ANO4: variants seen among roughly 807,000 people sequenced by gnomAD.
The protein encoded by ANO4 is anoctamin 4, also known as anoctamin-4.
ANO4 carries 69 observed loss-of-function variants against 141.9 expected under a neutral mutation model. The ratio of observed to expected loss-of-function variants is 0.49; its 90% CI spans 0.40 to 0.59. The LOEUF is 0.59. Ranked by LOEUF, ANO4 falls within the 20% of genes least tolerant of loss-of-function variation. ANO4 has a pLI of 0.00. For missense variants in ANO4, 894 were observed against 1,162.2 expected (o/e 0.77, Z 3.36); for synonymous variants, 350 against 394.3 (o/e 0.89, Z 1.33).
chr12:100,908,273 C>G (rs148185277), intron 2 of ANO4, among the ~76,000 whole-genome samples: 1,732 of 152,264 alleles, frequency 0.011, 40 homozygotes, highest in Admixed American at 0.035. Flanking sequence ...CACTTGAACT[C>G]GGGAGGCGGA....
chr12:101,104,206 A>G (rs951439363), intron 22 of ANO4, among the ~76,000 whole-genome samples: 3 of 151,868 alleles, frequency 2.0e-5, no homozygotes, highest in African/African-American at 7.2e-5. Flanking sequence ...TTTCTCTACT[A>G]CACATTTGCC....
At chr12:100,724,478 C>G (rs1459075454) in intron 1 of ANO4, among the ~76,000 whole-genome samples, 1 of 152,186 alleles carries the variant, frequency 6.6e-6, no homozygotes, top group Non-Finnish European at 1.5e-5. Context: ...ACTACTTCAA[C>G]TAGTATCTCT....
chr12:101,053,965 G>A (rs2047987159), intron 14 of ANO4, among the ~76,000 whole-genome samples: 1 of 152,218 alleles, frequency 6.6e-6, no homozygotes, highest in Admixed American at 6.5e-5. Flanking sequence ...AGTGCAGGGA[G>A]AGGTGAAAGT....
chr12:100,808,113 TGTCTTTAG>T (rs2035174058), intron 1 of ANO4, among the ~76,000 whole-genome samples: 1 of 152,192 alleles, frequency 6.6e-6, no homozygotes, highest in South Asian at 2.1e-4. Flanking sequence ...ATGGTATTTC[TGTCTTTAG>T]GTCTTTGAGG....
chr12:101,009,764 G>T (rs1045495200), intron 8 of ANO4, among the ~76,000 whole-genome samples: 6 of 151,966 alleles, frequency 3.9e-5, no homozygotes, highest in African/African-American at 1.4e-4. Context: ...TTGTCTTTCG[G>T]TTCAGAAAAA....
At position 100,843,842 on chromosome 12, in the gene ANO4, C is replaced by T. The variant is rs755115581; in HGVS notation, c.-141+48815C>T. On this transcript the variant is annotated intron_variant, in intron 1 of 27. Coordinates refer to ENST00000392977, the MANE Select transcript of ANO4 (RefSeq NM_001286615.2). ...AATTTGAAATATACAATGAGTTGTT[C>T]ATGTTGAAAAACTGACCAGGATGAA... Among the ~76,000 whole-genome samples, 77 of 152,104 alleles carry T rather than the reference C, an allele frequency of 5.1e-4. 1 individual carries two copies. Among genetic ancestry groups the T allele is most frequent in the Non-Finnish European group, 3.1e-4 (21 of 68,002 alleles).
intron 3 of ANO4, among the ~76,000 whole-genome samples, chr12:100,749,217 A>G (rs2032252715): frequency 6.6e-6 from 1 of 152,146 alleles, no homozygotes; most frequent in South Asian, 2.1e-4. Context: ...GTATTGCCGC[A>G]CAGGGTGGCT....
intron 24 of ANO4, among the ~76,000 whole-genome samples, chr12:101,112,230 G>A (rs1051258603): frequency 6.6e-6 from 1 of 152,128 alleles, no homozygotes; most frequent in Non-Finnish European, 1.5e-5. Context: ...GTAAGTGAAT[G>A]ACTTTTTCAT....
At chr12:101,114,603 C>T (rs1304356163) in intron 24 of ANO4, among the ~76,000 whole-genome samples, 2 of 152,108 alleles carry the variant, frequency 1.3e-5, no homozygotes, top group Non-Finnish European at 2.9e-5. Context: ...AGCCTCGGGG[C>T]TGGTCTGTGA....
chr12:100,725,343 CTTTTTTT>C (rs5800419), intron 1 of ANO4, among the ~76,000 whole-genome samples: 2 of 114,950 alleles, frequency 1.7e-5, no homozygotes, highest in South Asian at 3.0e-4. Flanking sequence ...AAATTGGTAT[CTTTTTTT>C]TTTTTTTTTT....
At chr12:100,860,281 T>C (rs1203766617) in intron 1 of ANO4, among the ~76,000 whole-genome samples, 1 of 152,186 alleles carries the variant, frequency 6.6e-6, no homozygotes, top group East Asian at 1.9e-4. Flanking sequence ...AGTGTATAGT[T>C]ATTAATTCAA....
intron 1 of ANO4, among the ~76,000 whole-genome samples, chr12:100,726,547 A>C (rs940238452): frequency 6.6e-6 from 1 of 152,216 alleles, no homozygotes; most frequent in African/African-American, 2.4e-5. Context: ...TGAGACTGCA[A>C]ATCATTTGGA....
intron 8 of ANO4, among the ~76,000 whole-genome samples, chr12:101,013,257 G>A: frequency 6.6e-6 from 1 of 152,180 alleles, no homozygotes; most frequent in East Asian, 1.9e-4. Flanking sequence ...GAATGTGGGA[G>A]TTCAGTCATT....
intron 1 of ANO4, among the ~76,000 whole-genome samples, chr12:100,821,573 TA>T (rs1050015389): frequency 2.6e-5 from 2 of 78,086 alleles, no homozygotes; most frequent in Non-Finnish European, 5.9e-5. Flanking sequence ...TATGTGAAGT[TA>T]AAAAAATGTA....
intron 1 of ANO4, among the ~76,000 whole-genome samples, chr12:100,813,368 C>A (rs963506302): frequency 1.3e-5 from 2 of 152,146 alleles, no homozygotes; most frequent in Admixed American, 6.6e-5. Flanking sequence ...TAGCAAAGTA[C>A]AGAAGGTTTG....
At chr12:101,060,802 C>T (rs2202161) in intron 14 of ANO4, among the ~76,000 whole-genome samples, 64,216 of 151,896 alleles carry the variant, frequency 0.42, 13,961 homozygotes, top group African/African-American at 0.53. Flanking sequence ...CTGAATACAG[C>T]ACACAGATGG....
chr12:100,753,702 G>A (rs369336460), intron 3 of ANO4, among the ~76,000 whole-genome samples: 5 of 152,064 alleles, frequency 3.3e-5, no homozygotes, highest in African/African-American at 1.2e-4. Context: ...AAGATTTATA[G>A]CATTATACTA....
chr12:100,932,538 A>C (rs982781263), intron 3 of ANO4, among the ~76,000 whole-genome samples: 2 of 152,162 alleles, frequency 1.3e-5, no homozygotes, highest in African/African-American at 4.8e-5. Context: ...AGTCCTTGAA[A>C]TATATTTGTG....
chr12:100,833,159 G>A (rs2036721750), intron 1 of ANO4, among the ~76,000 whole-genome samples: 1 of 151,986 alleles, frequency 6.6e-6, no homozygotes, highest in African/African-American at 2.4e-5. Context: ...AGAGGGTAAT[G>A]AAAATGAAAA....
Sources: gnomAD v4.1 joint callset for allele counts (sites outside exome capture counted in the v4.1 genomes callset) on GRCh38, gnomAD v4.1.1 for gene constraint, MANE v1.5 for transcripts, NCBI Gene and HGNC (gene_info 2026-07-23, HGNC 2026-07-21) for gene names.